Variants in ZFPM2 observed in about 807,000 individuals in gnomAD.
ZFPM2 encodes zinc finger protein ZFPM2.
A neutral mutation model predicts 98.6 loss-of-function variants in ZFPM2; 20 were observed. The observed-to-expected ratio is 0.20, with a 90% CI of 0.14 to 0.29. The LOEUF is 0.29. Ranked by LOEUF, ZFPM2 falls within the 10% of genes least tolerant of loss-of-function variation. ZFPM2 has a pLI of 1.00. For missense variants in ZFPM2, 1,310 were observed against 1,388.6 expected (o/e 0.94, Z 0.90); for synonymous variants, 518 against 502.7 (o/e 1.03, Z -0.41).
chr8:105,511,028 T>G (rs1380592248), intron 3 of ZFPM2, among the ~76,000 whole-genome samples: 1 of 152,194 alleles, frequency 6.6e-6, no homozygotes, highest in Non-Finnish European at 1.5e-5. Flanking sequence ...GCAGGCAGTA[T>G]GGGACCCCTG....
intron 1 of ZFPM2, among the ~76,000 whole-genome samples, chr8:105,353,073 G>C (rs1171219700): frequency 2.6e-5 from 4 of 152,150 alleles, no homozygotes; most frequent in African/African-American, 9.7e-5. Context: ...TGTGGTTTGA[G>C]TCATCCTACT....
intron 5 of ZFPM2, among the ~76,000 whole-genome samples, chr8:105,652,646 T>C (rs1045712211): frequency 2.0e-5 from 3 of 152,132 alleles, no homozygotes; most frequent in Non-Finnish European, 4.4e-5. Context: ...GATTATTCTT[T>C]AGGTCAGCTA....
In ZFPM2 at chr8:105,546,881, C is replaced by G. The variant is rs1321311316; in HGVS notation, c.302-14482C>G. Among the ~76,000 whole-genome samples the G allele has an allele frequency of 2.0e-5, 3 of 152,198 alleles. No homozygotes were observed. The East Asian group carries it at 5.8e-4, about 29-fold the overall frequency. On this transcript the variant is annotated intron_variant, in intron 3 of 7. Transcript: ENST00000407775. ...TGATTTATGAAATCAATATAAGAAT[C>G]TATAAAATTTACTTTAATAATGTCT...
intron 4 of ZFPM2, among the ~76,000 whole-genome samples, chr8:105,573,344 A>C (rs1457589413): frequency 1.3e-5 from 2 of 152,192 alleles, no homozygotes; most frequent in Non-Finnish European, 2.9e-5. Context: ...GAAGGCTGGG[A>C]TGACTGGGGG....
chr8:105,566,691 G>A (rs1185380101), intron 4 of ZFPM2, among the ~76,000 whole-genome samples: 2 of 152,130 alleles, frequency 1.3e-5, no homozygotes, highest in African/African-American at 4.8e-5. Flanking sequence ...ATTATCAACT[G>A]TTGATAGCTA....
At chr8:105,691,838 G>A (rs117751467) in intron 5 of ZFPM2, among the ~76,000 whole-genome samples, 1,540 of 152,238 alleles carry the variant, frequency 0.01, 70 homozygotes, top group Admixed American at 0.072. Context: ...AAAACTATGC[G>A]CTCCTTTAGA....
At chr8:105,789,046 A>C (rs1586267902) in intron 6 of ZFPM2, 122 bp downstream of exon 6, 3 of 770,404 alleles carry the variant, frequency 3.9e-6, no homozygotes, top group Middle Eastern at 2.6e-4. Context: ...GTTTCATTTT[A>C]TCTTTTTTCT....
At position 105,361,250 on chromosome 8, in the gene ZFPM2, C is replaced by G. The variant is rs557035674; in HGVS notation, c.40+42269C>G. Among the ~76,000 whole-genome samples the G allele has an allele frequency of 9.4e-3, 1,330 of 141,022 alleles. 9 individuals carry two copies. The highest frequency in any genetic ancestry group is 0.015 in the Non-Finnish European group (981 of 65,314). The allele number at this position is 141,022 out of a possible 152,430, so 92.5% of individuals were successfully genotyped here. A position where few individuals can be genotyped will look rare whatever the true frequency, so the allele number is the denominator to read the frequency against. On this transcript the variant is annotated intron_variant, in intron 1 of 7. Transcript: ENST00000407775. ...TGACGGTGAGCATTTTTTCATGTGT[C>G]TTTTGGCTGCATAAATGTCTTCTTT...
intron 5 of ZFPM2, among the ~76,000 whole-genome samples, chr8:105,664,321 TTGTGTGTGTG>T (rs148523592): frequency 4.1e-4 from 60 of 144,620 alleles, no homozygotes; most frequent in African/African-American, 1.3e-3. Context: ...CATAAAATTC[TTGTGTGTGTG>T]TGTGTGTGTG....
intron 5 of ZFPM2, among the ~76,000 whole-genome samples, chr8:105,708,211 T>G (rs1426588680): frequency 6.6e-6 from 1 of 152,210 alleles, no homozygotes; most frequent in Non-Finnish European, 1.5e-5. Context: ...GACCTCCATA[T>G]TCTTATAATA....
chr8:105,640,307 T>C (rs1205888188), intron 5 of ZFPM2, among the ~76,000 whole-genome samples: 4 of 152,052 alleles, frequency 2.6e-5, no homozygotes, highest in African/African-American at 9.7e-5. Context: ...CAGCAATTTT[T>C]TTTCCCATTC....
At chr8:105,663,487 T>G (rs1563511142) in intron 5 of ZFPM2, among the ~76,000 whole-genome samples, 1 of 152,222 alleles carries the variant, frequency 6.6e-6, no homozygotes, top group Non-Finnish European at 1.5e-5. Flanking sequence ...TGTAAAGTAG[T>G]GACAGAAACA....
At chr8:105,358,331 A>C (rs1359828239) in intron 1 of ZFPM2, 1 of 150,604 alleles carries the variant, frequency 6.6e-6, no homozygotes, top group Non-Finnish European at 1.5e-5. Context: ...TCAGCTCACC[A>C]TGCCTGGCCC....
In ZFPM2 at chr8:105,562,467, T is replaced by C. The variant is rs564546979; in HGVS notation, c.420+986T>C. Among the ~76,000 whole-genome samples the C allele has an allele frequency of 5.3e-5, 8 of 152,308 alleles. No individual in the cohort carries two copies. In the South Asian group the frequency reaches 1.7e-3, roughly 32 times the overall value. ...ACAAACTTTGTGCCTTAAAACAACATAAACTTATTATCTTGCAGTTATGGA... is the reference window on the plus strand; with the variant it reads ...ACAAACTTTGTGCCTTAAAACAACACAAACTTATTATCTTGCAGTTATGGA... On this transcript the variant is annotated intron_variant, in intron 4 of 7. Transcript: ENST00000407775.
At chr8:105,459,569 G>T (rs1329477291) in intron 3 of ZFPM2, among the ~76,000 whole-genome samples, 1 of 152,132 alleles carries the variant, frequency 6.6e-6, no homozygotes, top group Admixed American at 6.5e-5. Flanking sequence ...GGTTTTGGAG[G>T]CTGGAAGTCC....
At chr8:105,484,600 A>G (rs1222986826) in intron 3 of ZFPM2, among the ~76,000 whole-genome samples, 1 of 152,220 alleles carries the variant, frequency 6.6e-6, no homozygotes, top group African/African-American at 2.4e-5. Context: ...ATGGGTGTTT[A>G]ATTAATGAGT....
chr8:105,418,931 A>G, intron 1 of ZFPM2: 1 of 598,622 alleles, frequency 1.7e-6, no homozygotes, highest in Non-Finnish European at 2.9e-6. Flanking sequence ...CTGTGTTATA[A>G]CTTCTGACAC....
At chr8:105,631,710 A>G (rs971833023) in intron 4 of ZFPM2, among the ~76,000 whole-genome samples, 6 of 152,210 alleles carry the variant, frequency 3.9e-5, no homozygotes, top group African/African-American at 9.6e-5. Context: ...CAAAAAAGAC[A>G]TACTTATATT....
intron 7 of ZFPM2, among the ~76,000 whole-genome samples, chr8:105,799,549 AAT>A (rs1195709602): frequency 6.6e-6 from 1 of 152,200 alleles, no homozygotes; most frequent in Admixed American, 6.5e-5. Flanking sequence ...CTGAAAAACA[AAT>A]AAGCTTTTTA....
Sources: gnomAD v4.1 joint callset for allele counts (sites outside exome capture counted in the v4.1 genomes callset) on GRCh38, gnomAD v4.1.1 for gene constraint, MANE v1.5 for transcripts, NCBI Gene and HGNC (gene_info 2026-07-23, HGNC 2026-07-21) for gene names.